The following NUBP1 variants were observed in gnomAD, a reference collection of about 807,000 sequenced individuals.
NUBP1 encodes the protein NUBP iron-sulfur cluster assembly factor 1, cytosolic, also known as cytosolic Fe-S cluster assembly factor NUBP1.
A neutral mutation model predicts 41.8 loss-of-function variants in NUBP1; 46 were observed. The ratio of observed to expected loss-of-function variants is 1.10; its 90% CI spans 0.87 to 1.41. NUBP1 has a LOEUF of 1.41. Among genes scored for constraint, NUBP1 ranks in the 40% most tolerant of loss-of-function variants. The pLI, the probability that NUBP1 is intolerant of heterozygous loss-of-function variation, is 0.00. For synonymous variants in NUBP1, 189 were observed against 154.6 expected, an observed-to-expected ratio of 1.22 and a Z score of -1.65; for missense variants, 494 against 414.0, an observed-to-expected ratio of 1.19 and a Z score of -1.68.
At chr16:10,747,796 G>GT (rs905159985) in intron 3 of NUBP1, among the ~76,000 whole-genome samples, 3 of 152,208 alleles carry the variant, frequency 2.0e-5, no homozygotes, top group African/African-American at 7.2e-5. Flanking sequence ...CATGTGGATA[G>GT]TTTATTACAT....
chr16:10,768,131 T>C lies in NUBP1; in HGVS notation c.904+99T>C. On this transcript the variant is annotated intron_variant, in intron 10 of 10. Coordinates refer to ENST00000283027, the MANE Select transcript of NUBP1 (RefSeq NM_002484.4). The surrounding 1 kb of genome is among the most constrained non-coding windows in gnomAD (Gnocchi z 4.3). ...AAGGACAGGTGGGTGGTGGGGTCTG[T>C]GATGACCACAGAGTGGCCCCCATAG... The C allele has an allele frequency of 8.9e-7, 1 of 1,118,892 alleles. No individual in the cohort carries two copies. Among genetic ancestry groups the C allele is most frequent in the Non-Finnish European group, 1.3e-6 (1 of 748,754 alleles). The allele number at this position is 1,118,892 out of a possible 1,614,324, so 69.3% of individuals were successfully genotyped here.
intron 9 of NUBP1, chr16:10,762,073 C>T (rs2030004162): frequency 2.0e-5 from 10 of 500,298 alleles, no homozygotes; most frequent in Non-Finnish European, 3.2e-5. Flanking sequence ...AAGCAGGCCT[C>T]AGGCAGAGGG....
At chr16:10,756,124 A>G (rs1008338408) in intron 5 of NUBP1, among the ~76,000 whole-genome samples, 1 of 152,222 alleles carries the variant, frequency 6.6e-6, no homozygotes, top group Admixed American at 6.5e-5. Context: ...CACACCTGTG[A>G]TCCCAGCACT....
In NUBP1 at chr16:10,768,992, C is replaced by T. The variant is rs1451943428; in HGVS notation, c.905-55C>T. The T allele has an allele frequency of 1.3e-6, 2 of 1,517,966 alleles. No homozygotes were observed. The highest frequency in any genetic ancestry group is 2.7e-5 in the African/African-American group (2 of 72,886). The allele number at this position is 1,517,966 out of a possible 1,614,324, so 94.0% of individuals were successfully genotyped here. A position where few individuals can be genotyped will look rare whatever the true frequency, so the allele number is the denominator to read the frequency against. ...CAGCCCTCCCCAGCACAGGACAGGG[C>T]TGTCAAGGGGTAGACAAGCCATTAG... On this transcript the variant is annotated intron_variant, in intron 10 of 10. Coordinates refer to ENST00000283027, the MANE Select transcript of NUBP1 (RefSeq NM_002484.4). The surrounding 1 kb of genome is among the most constrained non-coding windows in gnomAD (Gnocchi z 4.3).
At chr16:10,744,835 G>C (rs771435640) in intron 2 of NUBP1, among the ~76,000 whole-genome samples, 4 of 151,494 alleles carry the variant, frequency 2.6e-5, no homozygotes, top group Non-Finnish European at 5.9e-5. Flanking sequence ...TCGGCTCACT[G>C]CAACTTTCAC....
chr16:10,753,181 G>A (rs984809753), intron 4 of NUBP1, among the ~76,000 whole-genome samples: 5 of 152,208 alleles, frequency 3.3e-5, no homozygotes, highest in Non-Finnish European at 7.3e-5. Context: ...TCTTGGCGGG[G>A]GAGGGGCGGG....
intron 2 of NUBP1, 81 bp downstream of exon 2, chr16:10,744,146 T>C (rs569800713): frequency 1.7e-6 from 2 of 1,202,776 alleles, no homozygotes; most frequent in Non-Finnish European, 1.1e-6. Flanking sequence ...GGGGGCGGGA[T>C]CTGCAGAATG....
rs1249688295 is a variant in NUBP1, at chr16:10,761,469, T to C, written c.712T>C (p.Cys238Arg). ...CATGAGTGGCTTCATCTGTCCTAAGTGCAAGGTGAGGGCGCGTGGGGCTGC... is the reference window on the plus strand; with the variant it reads ...CATGAGTGGCTTCATCTGTCCTAAGCGCAAGGTGAGGGCGCGTGGGGCTGC... ...ENMSGFICPK[C>R]KKESQIFPPT... Residue 238 changes from cysteine (C) to arginine (R), a missense_variant, in exon 8 of 11, where the codon TGC becomes CGC. Transcript: ENST00000283027. 2 of 1,613,662 alleles carry C rather than the reference T, an allele frequency of 1.2e-6. No homozygotes were observed. The highest frequency in any genetic ancestry group is 2.2e-5 in the East Asian group (1 of 44,858).
At chr16:10,761,928 C>T in intron 9 of NUBP1, 69 bp downstream of exon 9, 3 of 1,227,014 alleles carry the variant, frequency 2.4e-6, no homozygotes, top group East Asian at 2.4e-5. Context: ...TCGGGCACAA[C>T]AGGGGGCGGC....
At chr16:10,753,891 G>T (rs987774068) in intron 4 of NUBP1, among the ~76,000 whole-genome samples, 3 of 152,156 alleles carry the variant, frequency 2.0e-5, no homozygotes, top group Non-Finnish European at 2.9e-5. Context: ...GGGGCTGGAG[G>T]GTGGCCCGAA....
At chr16:10,761,295 C>T (rs1267949427) in intron 7 of NUBP1, 69 bp from the exon 8 acceptor site, 2 of 1,406,856 alleles carry the variant, frequency 1.4e-6, no homozygotes, top group Non-Finnish European at 2.0e-6. Context: ...GCAGCCATCC[C>T]CTCGGTTGCA....
chr16:10,766,091 G>T lies in NUBP1; in HGVS notation c.821-1858G>T, dbSNP rs62027827. 28,958 of 152,404 alleles carry T rather than the reference G, an allele frequency of 0.19. 2,995 individuals carry two copies. The highest frequency in any genetic ancestry group is 0.33 in the South Asian group (1,601 of 4,818). 9.4% of individuals were successfully genotyped at this position (152,404 alleles called of 1,614,324 possible). A position where few individuals can be genotyped will look rare whatever the true frequency, so the allele number is the denominator to read the frequency against. The stretch of plus-strand genomic sequence containing the variant: ...GGACAGCACTTCAGTCTCCTCTGGG[G>T]ACATGGTGGCAAAGAGTTACAGATG... On this transcript the variant is annotated intron_variant, in intron 9 of 10. Coordinates refer to ENST00000283027, the MANE Select transcript of NUBP1 (RefSeq NM_002484.4). This position sits in a 1 kb window ranked among gnomAD's most constrained non-coding sequence, Gnocchi z 4.8.
At position 10,767,226 on chromosome 16, in the gene NUBP1, G is replaced by A. The variant is rs750852868; in HGVS notation, c.821-723G>A. The A allele has an allele frequency of 1.7e-4, 69 of 399,644 alleles. No homozygotes were observed. The highest frequency in any genetic ancestry group is 6.2e-4 in the Middle Eastern group (1 of 1,620). 24.8% of individuals were successfully genotyped at this position (399,644 alleles called of 1,614,324 possible). A position where few individuals can be genotyped will look rare whatever the true frequency, so the allele number is the denominator to read the frequency against. On this transcript the variant is annotated intron_variant, in intron 9 of 10. Coordinates refer to ENST00000283027, the MANE Select transcript of NUBP1 (RefSeq NM_002484.4). The surrounding 1 kb of genome is among the most constrained non-coding windows in gnomAD (Gnocchi z 4.6). ...GGGGCTGGCAGGGCAGACTGGAGGC[G>A]AGAACACCCCCATTGACCCCTAGCC... is the stretch of plus-strand genomic sequence containing the variant.
chr16:10,747,958 G>A (rs2142665858), intron 3 of NUBP1, among the ~76,000 whole-genome samples: 1 of 152,094 alleles, frequency 6.6e-6, no homozygotes, highest in African/African-American at 2.4e-5. Context: ...AATGTTTTTT[G>A]TTTGTTTGAG....
chr16:10,755,825 G>T, intron 5 of NUBP1, 72 bp downstream of exon 5: 1 of 1,436,738 alleles, frequency 7.0e-7, no homozygotes, highest in South Asian at 1.2e-5. Context: ...TTTGTGGTTT[G>T]TTGGTCCATA....
At chr16:10,743,938 A>C (rs748804754) in intron 1 of NUBP1, 23 bp from the exon 2 acceptor site, 1 of 1,589,350 alleles carries the variant, frequency 6.3e-7, no homozygotes, top group South Asian at 1.1e-5. Context: ...AGCTGCTCTA[A>C]CTGTGGTCTT....
chr16:10,768,958 G>C lies in NUBP1; in HGVS notation c.905-89G>C. 8.3e-7 allele frequency: 1 copy of C among 1,200,242 alleles called. No homozygotes were observed. Among genetic ancestry groups the C allele is most frequent in the Non-Finnish European group, 1.2e-6 (1 of 813,936 alleles). 74.3% of individuals were successfully genotyped at this position (1,200,242 alleles called of 1,614,324 possible). A position where few individuals can be genotyped will look rare whatever the true frequency, so the allele number is the denominator to read the frequency against. ...GAACTAGCCAGAGGATTCCACCCCTGTCAAAACACAGCCCTCCCCAGCACA... is the reference window on the plus strand; with the variant it reads ...GAACTAGCCAGAGGATTCCACCCCTCTCAAAACACAGCCCTCCCCAGCACA... On this transcript the variant is annotated intron_variant, in intron 10 of 10. Transcript: ENST00000283027. The surrounding 1 kb of genome is among the most constrained non-coding windows in gnomAD (Gnocchi z 4.3).
intron 5 of NUBP1, among the ~76,000 whole-genome samples, chr16:10,755,974 GTAA>G (rs1256198206): frequency 2.6e-5 from 4 of 152,246 alleles, no homozygotes; most frequent in Non-Finnish European, 4.4e-5. Flanking sequence ...CACAAAAGTA[GTAA>G]TATGTAACTG....
chr16:10,768,031 GAGTA>G lies in NUBP1; in HGVS notation c.904+4_904+7del, dbSNP rs770156675. The G allele has an allele frequency of 6.8e-6, 11 of 1,613,724 alleles. No homozygotes were observed. The highest frequency in any genetic ancestry group is 2.7e-5 in the African/African-American group (2 of 74,896). ...CGTTAGCCTACAGAAGTATAATTCA[GAGTA>G]AGTATTTCCATGAGTACTAAATGCA... On this transcript the variant is annotated splice_donor_variant and splice_donor_region_variant and coding_sequence_variant and intron_variant, in exon 10 of 11. Coordinates refer to ENST00000283027, the MANE Select transcript of NUBP1 (RefSeq NM_002484.4). LOFTEE classifies it high-confidence loss of function. The surrounding 1 kb of genome is among the most constrained non-coding windows in gnomAD (Gnocchi z 4.3).
Sources: allele counts gnomAD v4.1 joint callset (sites outside exome capture counted in the v4.1 genomes callset), GRCh38; gene constraint gnomAD v4.1.1; non-coding constraint Gnocchi (gnomAD v3.1); transcripts MANE v1.5; gene names NCBI Gene and HGNC (gene_info 2026-07-23, HGNC 2026-07-21).